PDE1A: variants seen among roughly 807,000 people sequenced by gnomAD.
PDE1A encodes phosphodiesterase 1A.
A neutral mutation model predicts 61.7 loss-of-function variants in PDE1A; 35 were observed. The observed-to-expected ratio is 0.57, with a 90% CI of 0.43 to 0.75. The LOEUF is 0.75. Among genes scored for constraint, PDE1A ranks in the 30% least tolerant of loss-of-function variants. The pLI is 0.00. For missense variants in PDE1A, 597 were observed against 630.6 expected, an observed-to-expected ratio of 0.95 and a Z score of 0.57; for synonymous variants, 232 against 213.2, an observed-to-expected ratio of 1.09 and a Z score of -0.77.
At chr2:182,219,261 A>G (rs1688518639) in intron 7 of PDE1A, among the ~76,000 whole-genome samples, 1 of 152,196 alleles carries the variant, frequency 6.6e-6, no homozygotes, top group South Asian at 2.1e-4. Flanking sequence ...GAAGGCTTTT[A>G]TTTCTCACCT....
At chr2:182,480,084 T>C (rs1213363034) in intron 2 of PDE1A, among the ~76,000 whole-genome samples, 9 of 151,906 alleles carry the variant, frequency 5.9e-5, no homozygotes, top group African/African-American at 1.4e-4. Context: ...AACAAACAAA[T>C]GGACAAAAAA....
At chr2:182,530,410 C>A in the PDE1A span, among the ~76,000 whole-genome samples, 2 of 152,134 alleles carry the variant, frequency 1.3e-5, no homozygotes, top group African/African-American at 4.8e-5. Context: ...AAGAGACATA[C>A]ACCTAGAGAC....
rs200380585 is a variant in PDE1A, at chr2:182,385,619, C to CAGAA, written c.53+40955_53+40958dup. 2.8e-4 allele frequency among the ~76,000 whole-genome samples: 11 copies of CAGAA among 39,038 alleles called. 1 individual carries two copies. The highest frequency in any genetic ancestry group is 8.1e-4 in the Admixed American group (3 of 3,702). 25.6% of individuals were successfully genotyped at this position (39,038 alleles called of 152,430 possible). ...AAGAAAAATGCTTAGATGAAAGAAA[C>CAGAA]AGAAAGAAAGAAAGAAAGAAGAAGA... On this transcript the variant is annotated intron_variant, in intron 1 of 13. Transcript: ENST00000351439.
the PDE1A span, among the ~76,000 whole-genome samples, chr2:182,671,780 C>T: frequency 5.2e-5 from 7 of 135,176 alleles, no homozygotes; most frequent in African/African-American, 1.3e-4. Context: ...CCACCACGCC[C>T]GGCTAATTTT....
intron 1 of PDE1A, among the ~76,000 whole-genome samples, chr2:182,272,508 A>C (rs1486748094): frequency 6.6e-6 from 1 of 152,188 alleles, no homozygotes; most frequent in Non-Finnish European, 1.5e-5. Flanking sequence ...AACTTCAAAA[A>C]TTTGAATTTT....
At chr2:182,473,483 CT>C (rs1310996328) in intron 2 of PDE1A, among the ~76,000 whole-genome samples, 2 of 151,806 alleles carry the variant, frequency 1.3e-5, no homozygotes, top group Non-Finnish European at 2.9e-5. Flanking sequence ...TGAACAGGCA[CT>C]TTTTTTCTTT....
chr2:182,582,365 C>A, the PDE1A span, among the ~76,000 whole-genome samples: 1 of 152,132 alleles, frequency 6.6e-6, no homozygotes. Flanking sequence ...CTATGCTACA[C>A]GCAGATGGTC....
At chr2:182,294,868 C>G (rs1470842673) in intron 1 of PDE1A, among the ~76,000 whole-genome samples, 1 of 151,642 alleles carries the variant, frequency 6.6e-6, no homozygotes, top group Non-Finnish European at 1.5e-5. Context: ...GGTGTGATGA[C>G]AAATCAAAGT....
chr2:182,229,625 G>A (rs1033581565), intron 6 of PDE1A, among the ~76,000 whole-genome samples: 3 of 152,132 alleles, frequency 2.0e-5, no homozygotes, highest in Non-Finnish European at 4.4e-5. Context: ...GAGCAAAAGC[G>A]ACTAAGGTCA....
chr2:182,315,105 C>T (rs973297670), intron 1 of PDE1A, among the ~76,000 whole-genome samples: 15 of 152,042 alleles, frequency 9.9e-5, no homozygotes, highest in African/African-American at 3.4e-4. Flanking sequence ...TAATAATACT[C>T]CTTGATTAAT....
chr2:182,256,353 G>A (rs1305582409), intron 2 of PDE1A, among the ~76,000 whole-genome samples: 1 of 148,492 alleles, frequency 6.7e-6, no homozygotes, highest in African/African-American at 2.5e-5. Flanking sequence ...TTTTGTTCTT[G>A]CGATAGTTTA....
At chr2:182,305,798 G>A (rs1695545458) in intron 1 of PDE1A, among the ~76,000 whole-genome samples, 1 of 151,950 alleles carries the variant, frequency 6.6e-6, no homozygotes, top group Non-Finnish European at 1.5e-5. Context: ...AGGTAAAAGT[G>A]ATATTATGAT....
the PDE1A span, among the ~76,000 whole-genome samples, chr2:182,564,896 A>C: frequency 6.6e-6 from 1 of 152,030 alleles, no homozygotes; most frequent in Non-Finnish European, 1.5e-5. Flanking sequence ...CTTGGCTTTC[A>C]GCTCCATCAG....
intron 1 of PDE1A, among the ~76,000 whole-genome samples, chr2:182,331,901 C>T (rs1334414104): frequency 6.6e-6 from 1 of 152,138 alleles, no homozygotes; most frequent in African/African-American, 2.4e-5. Context: ...GCCTGCCTTG[C>T]TAGGTTGGGG....
At chr2:182,313,336 C>A (rs1696115991) in intron 1 of PDE1A, among the ~76,000 whole-genome samples, 4 of 152,142 alleles carry the variant, frequency 2.6e-5, no homozygotes, top group Admixed American at 2.6e-4. Flanking sequence ...ATCGCTTGAA[C>A]CCGGGAGGCA....
chr2:182,255,447 A>G (rs2125749714), intron 2 of PDE1A, among the ~76,000 whole-genome samples: 1 of 152,240 alleles, frequency 6.6e-6, no homozygotes, highest in Admixed American at 6.5e-5. Flanking sequence ...TGCCCTCCAC[A>G]TCATTCCCCA....
intron 6 of PDE1A, among the ~76,000 whole-genome samples, chr2:182,227,776 C>T (rs902979649): frequency 1.3e-5 from 2 of 152,038 alleles, no homozygotes; most frequent in Non-Finnish European, 2.9e-5. Flanking sequence ...TCTCTTTCCT[C>T]TTCCAAACAG....
chr2:182,522,555 T>A (rs1690634964), intron 1 of PDE1A: 1 of 1,417,368 alleles, frequency 7.1e-7, no homozygotes, highest in Admixed American at 2.6e-5. Flanking sequence ...GACAGGCATA[T>A]ATCCACTGCT....
At chr2:182,461,821 T>A (rs993524507) in intron 2 of PDE1A, among the ~76,000 whole-genome samples, 14 of 152,280 alleles carry the variant, frequency 9.2e-5, no homozygotes, top group Middle Eastern at 3.4e-3. Context: ...TCAGTAAGCC[T>A]CATCCTCATG....
Sources: allele counts gnomAD v4.1 joint callset (sites outside exome capture counted in the v4.1 genomes callset), GRCh38; gene constraint gnomAD v4.1.1; transcripts MANE v1.5; gene names NCBI Gene and HGNC (gene_info 2026-07-23, HGNC 2026-07-21).